Variants in TLN2 observed in about 807,000 individuals in gnomAD.
TLN2 encodes the protein talin-2.
In TLN2, 118 loss-of-function variants were observed where a neutral mutation model predicts 294.7. That is an observed-to-expected ratio of 0.40 (90% CI 0.34 to 0.47). The LOEUF (loss-of-function observed/expected upper bound fraction) is 0.47. Among genes scored for constraint, TLN2 ranks in the 20% least tolerant of loss-of-function variants. TLN2 has a pLI of 0.84. For synonymous variants in TLN2, 1,431 were observed against 1,304.5 expected (o/e 1.10, Z -2.09); for missense variants, 3,083 against 3,282.2 (o/e 0.94, Z 1.48).
chr15:62,396,865 C>T (rs965465255), intron 1 of TLN2, among the ~76,000 whole-genome samples: 2 of 152,132 alleles, frequency 1.3e-5, no homozygotes, highest in East Asian at 3.9e-4. Context: ...CCACCACTCC[C>T]AGCTAATTTT....
Position 62,697,750 on chromosome 15 carries a change from T to C in TLN2, c.1355T>C (p.Leu452Pro). 1 of 1,612,106 alleles carries C rather than the reference T, an allele frequency of 6.2e-7. No homozygotes were observed. Among genetic ancestry groups the C allele is most frequent in the Non-Finnish European group, 8.5e-7 (1 of 1,178,784 alleles). ...AAGGCAGAGCACGGCTCAGTGGCGCTGCCGGCCGTGATGCGCTCGGGCTCC... is the reference window on the plus strand; with the variant it reads ...AAGGCAGAGCACGGCTCAGTGGCGCCGCCGGCCGTGATGCGCTCGGGCTCC... ...TGKAEHGSVA[L>P]PAVMRSGSSG... is the part of the protein sequence containing the mutation. The change falls in exon 15 of 59, where the codon CTG becomes CCG. Residue 452 changes from leucine (L) to proline (P), a missense_variant. Physicochemically the swap from Leu to Pro is moderately conservative, Grantham distance 98. Coordinates refer to ENST00000636159, the MANE Select transcript of TLN2 (RefSeq NM_015059.3).
chr15:62,717,588 C>A lies in TLN2; in HGVS notation c.2776C>A (p.Gln926Lys). The change falls in exon 24 of 59, where the codon CAG becomes AAG. Residue 926 changes from glutamine to lysine, a missense_variant. Gln to Lys is a moderately conservative substitution (Grantham distance 53). Transcript: ENST00000636159. Reference protein sequence around the residue: ...IVNRLEVAAKQAAAAATQTIA... With the variant: ...IVNRLEVAAKKAAAAATQTIA... ...CACTCCTCTGCAGGTTGCAGCCAAGCAGGCCGCAGCGGCAGCCACACAGAC... is the reference window on the plus strand; with the variant it reads ...CACTCCTCTGCAGGTTGCAGCCAAGAAGGCCGCAGCGGCAGCCACACAGAC... 1 of 1,574,482 alleles carries A rather than the reference C, an allele frequency of 6.4e-7. No homozygotes were observed. The highest frequency in any genetic ancestry group is 8.6e-7 in the Non-Finnish European group (1 of 1,164,080).
chr15:62,792,437 G>A (rs1290560014), intron 45 of TLN2, among the ~76,000 whole-genome samples: 1 of 152,192 alleles, frequency 6.6e-6, no homozygotes, highest in African/African-American at 2.4e-5. Flanking sequence ...GCCTTGCTAG[G>A]TAGAGACTGG....
intron 1 of TLN2, among the ~76,000 whole-genome samples, chr15:62,442,492 CAGAAAAA>C (rs1393112565): frequency 1.5e-5 from 1 of 65,562 alleles, no homozygotes; most frequent in Non-Finnish European, 2.9e-5. Flanking sequence ...GACTCTGTCT[CAGAAAAA>C]AAAAAAAAAA....
At chr15:62,601,300 G>T (rs188545468) in intron 2 of TLN2, among the ~76,000 whole-genome samples, 43 of 152,252 alleles carry the variant, frequency 2.8e-4, no homozygotes, top group Admixed American at 2.7e-3. Context: ...AAATATATCT[G>T]ACCCAAAATG....
chr15:62,782,714 A>G (rs909643150), intron 44 of TLN2, among the ~76,000 whole-genome samples: 3 of 152,226 alleles, frequency 2.0e-5, no homozygotes, highest in African/African-American at 7.2e-5. Context: ...CTTGGCGGCC[A>G]CATCTCAGCC....
At chr15:62,707,585 G>A (rs1278130842) in intron 20 of TLN2, among the ~76,000 whole-genome samples, 2 of 152,162 alleles carry the variant, frequency 1.3e-5, no homozygotes, top group East Asian at 3.8e-4. Flanking sequence ...TTACAAATGG[G>A]TTCAGAAATA....
intron 1 of TLN2, among the ~76,000 whole-genome samples, chr15:62,434,488 C>T (rs569433759): frequency 7.3e-4 from 111 of 152,206 alleles, no homozygotes; most frequent in African/African-American, 2.4e-3. Context: ...TGCATGCGCG[C>T]GCTCTTTCCC....
intron 54 of TLN2, chr15:62,829,906 C>T (rs148217846): frequency 6.6e-5 from 10 of 152,252 alleles, no homozygotes; most frequent in Non-Finnish European, 1.5e-4. Context: ...TCTTTCTGTG[C>T]CTGGCTTATT....
chr15:62,821,998 G>A (rs1263316854), intron 54 of TLN2, among the ~76,000 whole-genome samples: 2 of 152,142 alleles, frequency 1.3e-5, no homozygotes, highest in East Asian at 1.9e-4. Context: ...CGCTAATGCC[G>A]AAGCCATGTC....
At chr15:62,739,253 C>T (rs2061188068) in intron 30 of TLN2, 95 bp from the exon 31 acceptor site, 1 of 1,375,222 alleles carries the variant, frequency 7.3e-7, no homozygotes, top group East Asian at 2.4e-5. Context: ...TCAAATGCAT[C>T]TCTGAAGAGT....
chr15:62,463,108 GT>G (rs1214145769), intron 1 of TLN2, among the ~76,000 whole-genome samples: 1 of 152,152 alleles, frequency 6.6e-6, no homozygotes, highest in Non-Finnish European at 1.5e-5. Context: ...TTCTTTGGAT[GT>G]TTTTCTAGTG....
chr15:62,718,590 T>C (rs1406464207), intron 24 of TLN2, among the ~76,000 whole-genome samples: 1 of 152,134 alleles, frequency 6.6e-6, no homozygotes, highest in Non-Finnish European at 1.5e-5. Context: ...GTGGACTGAA[T>C]GCACTCCAGG....
chr15:62,660,395 T>C (rs1045211161), intron 9 of TLN2, among the ~76,000 whole-genome samples: 2 of 152,150 alleles, frequency 1.3e-5, no homozygotes, highest in African/African-American at 2.4e-5. Flanking sequence ...ATCTACTTTA[T>C]TGATGGGGAG....
intron 1 of TLN2, among the ~76,000 whole-genome samples, chr15:62,564,395 G>A (rs1015146615): frequency 6.6e-6 from 1 of 152,186 alleles, no homozygotes; most frequent in Non-Finnish European, 1.5e-5. Context: ...CCCTGGTAGA[G>A]CTGACCTTTT....
chr15:62,616,898 A>G (rs1398626431), intron 2 of TLN2, among the ~76,000 whole-genome samples: 1 of 152,236 alleles, frequency 6.6e-6, no homozygotes, highest in Non-Finnish European at 1.5e-5. Context: ...TGAGCAGTGC[A>G]GAGATTACAT....
chr15:62,832,156 CTAACAAAA>C (rs1468547355), intron 54 of TLN2: 6 of 140,020 alleles, frequency 4.3e-5, no homozygotes, highest in Non-Finnish European at 9.0e-5. Context: ...GTAGAAGTGC[CTAACAAAA>C]TACTTGGTAC....
chr15:62,393,453 G>T (rs1309565882), intron 1 of TLN2, among the ~76,000 whole-genome samples: 1 of 152,184 alleles, frequency 6.6e-6, no homozygotes, highest in East Asian at 1.9e-4. Context: ...GGTTTAGGAA[G>T]AGGTGAGTAT....
At chr15:62,826,446 C>T (rs1301951633) in intron 54 of TLN2, among the ~76,000 whole-genome samples, 2 of 152,174 alleles carry the variant, frequency 1.3e-5, no homozygotes, top group African/African-American at 4.8e-5. Flanking sequence ...ACCCATTTTG[C>T]CTGTTTAAGG....
Sources: gnomAD v4.1 joint callset for allele counts (sites outside exome capture counted in the v4.1 genomes callset) on GRCh38, gnomAD v4.1.1 for gene constraint, MANE v1.5 for transcripts, NCBI Gene and HGNC (gene_info 2026-07-23, HGNC 2026-07-21) for gene names.